The following ABCA4 variants were observed in gnomAD, a reference collection of about 807,000 sequenced individuals.
ABCA4 encodes the protein ATP binding cassette subfamily A member 4.
In ABCA4, 196 loss-of-function variants were observed where a neutral mutation model predicts 263.7. That is an observed-to-expected ratio of 0.74 (90% CI 0.66 to 0.84). The LOEUF (loss-of-function observed/expected upper bound fraction) is 0.84, where lower values mean the gene tolerates loss of function less well. Among genes scored for constraint, ABCA4 ranks in the 40% least tolerant of loss-of-function variants. The pLI, the probability that ABCA4 is intolerant of heterozygous loss-of-function variation, is 0.00. For missense variants in ABCA4, 2,792 were observed against 2,855.1 expected, an observed-to-expected ratio of 0.98 and a Z score of 0.50; for synonymous variants, 1,133 against 1,094.2, an observed-to-expected ratio of 1.04 and a Z score of -0.70.
At chr1:94,082,128 T>C (rs1313776215) in intron 7 of ABCA4, among the ~76,000 whole-genome samples, 1 of 152,222 alleles carries the variant, frequency 6.6e-6, no homozygotes, top group Non-Finnish European at 1.5e-5. Flanking sequence ...TCACCATCTA[T>C]GCTTCAATAA....
chr1:94,083,831 T>A (rs1002547278), intron 6 of ABCA4, among the ~76,000 whole-genome samples: 1 of 152,220 alleles, frequency 6.6e-6, no homozygotes, highest in African/African-American at 2.4e-5. Context: ...ACCTCGGAGC[T>A]TTGTAGACAC....
chr1:94,009,064 C>A (rs1659478421), intron 40 of ABCA4, among the ~76,000 whole-genome samples, 193 bp from the exon 41 acceptor site: 1 of 152,066 alleles, frequency 6.6e-6, no homozygotes, highest in Non-Finnish European at 1.5e-5. Flanking sequence ...GTGCTCATGT[C>A]CAGAGTCAGC....
chr1:94,058,781 C>G (rs1366473409), intron 14 of ABCA4, among the ~76,000 whole-genome samples: 3 of 152,218 alleles, frequency 2.0e-5, no homozygotes, highest in African/African-American at 7.2e-5. Flanking sequence ...ACTCTGTGAC[C>G]CTACAGTTTC....
At chr1:94,033,882 C>T (rs572826611) in intron 26 of ABCA4, among the ~76,000 whole-genome samples, 279 of 152,246 alleles carry the variant, frequency 1.8e-3, no homozygotes, top group African/African-American at 5.9e-3. Flanking sequence ...CTATGGCTGG[C>T]CCTCCCTCTG....
At chr1:94,113,724 T>G (rs1166988021) in intron 1 of ABCA4, among the ~76,000 whole-genome samples, 2 of 152,262 alleles carry the variant, frequency 1.3e-5, no homozygotes, top group Admixed American at 1.3e-4. Context: ...CCTACCAACA[T>G]GCTTCCTTCA....
intron 31 of ABCA4, among the ~76,000 whole-genome samples, chr1:94,023,725 G>A (rs1012594822): frequency 2.0e-5 from 3 of 152,108 alleles, no homozygotes; most frequent in Admixed American, 6.5e-5. Flanking sequence ...CAGAACACAC[G>A]GCAATGACCA....
At chr1:94,114,648 G>A (rs572254752) in intron 1 of ABCA4, among the ~76,000 whole-genome samples, 13 of 152,172 alleles carry the variant, frequency 8.5e-5, no homozygotes, top group Admixed American at 6.5e-4. Flanking sequence ...CACCATGCCC[G>A]GCTAATTTTT....
intron 23 of ABCA4, 63 bp downstream of exon 23, chr1:94,041,146 G>A: frequency 6.4e-7 from 1 of 1,558,618 alleles, no homozygotes; most frequent in South Asian, 1.1e-5. Flanking sequence ...GTCTGGAGTG[G>A]CAGCCCCGTG....
intron 16 of ABCA4, among the ~76,000 whole-genome samples, chr1:94,054,127 C>G (rs1262920398): frequency 5.3e-5 from 8 of 152,200 alleles, no homozygotes; most frequent in Non-Finnish European, 1.2e-4. Flanking sequence ...TTCTACCAAG[C>G]AAATACACGA....
At position 94,010,815 on chromosome 1, in the gene ABCA4, A is replaced by C; in HGVS notation, c.5699T>G (p.Phe1900Cys). 1 of 1,614,128 alleles carries C rather than the reference A, an allele frequency of 6.2e-7. No individual in the cohort carries two copies. The highest frequency in any genetic ancestry group is 8.5e-7 in the Non-Finnish European group (1 of 1,180,010). The change falls in exon 40 of 50, where the codon TTC becomes TGC. Residue 1900 changes from phenylalanine to cysteine, a missense_variant. Physicochemically the swap from Phe to Cys is radical, Grantham distance 205. Transcript: ENST00000370225. ...FLLTLLVQRH[F>C]FLSQWIAEPT... ...ATGGACGTACCATTGGGAGAGGAAG[A>C]AGTGGCGCTGGACCAGCAGGGTCAG...
At chr1:94,118,041 G>T (rs1662850240) in intron 1 of ABCA4, among the ~76,000 whole-genome samples, 1 of 152,006 alleles carries the variant, frequency 6.6e-6, no homozygotes, top group Non-Finnish European at 1.5e-5. Context: ...TCGATCCACG[G>T]GGGTCAGTGT....
At chr1:94,067,328 C>T (rs368622783) in intron 11 of ABCA4, among the ~76,000 whole-genome samples, 22 of 152,230 alleles carry the variant, frequency 1.4e-4, no homozygotes, top group East Asian at 5.8e-4. Flanking sequence ...GAAATCTATA[C>T]GGGAATAAGC....
chr1:94,070,042 C>G (rs1247515390), intron 11 of ABCA4, among the ~76,000 whole-genome samples: 2 of 152,226 alleles, frequency 1.3e-5, no homozygotes, highest in Admixed American at 1.3e-4. Flanking sequence ...ACCTGGCTGA[C>G]AACTGCAGGG....
intron 17 of ABCA4, among the ~76,000 whole-genome samples, chr1:94,049,561 T>A (rs375439579): frequency 2.0e-5 from 3 of 151,918 alleles, no homozygotes; most frequent in Non-Finnish European, 1.5e-5. Flanking sequence ...GAGGCGGAGG[T>A]TGCAGTGAGC....
chr1:93,993,000 A>C lies in ABCA4; in HGVS notation c.*237T>G. On this transcript the variant is annotated 3_prime_UTR_variant, in exon 50 of 50. Transcript: ENST00000370225. Reference sequence around the variant, plus strand: ...GGTTTCTAGTTCTGGGGTCTGGAGAAGGATTTTGTATTTGTTTGGTTTCAC... The same window carrying C: ...GGTTTCTAGTTCTGGGGTCTGGAGACGGATTTTGTATTTGTTTGGTTTCAC... The C allele has an allele frequency of 1.7e-6, 1 of 577,718 alleles. No individual in the cohort carries two copies. The highest frequency in any genetic ancestry group is 3.1e-6 in the Non-Finnish European group (1 of 325,496). The allele number at this position is 577,718 out of a possible 1,614,324, so 35.8% of individuals were successfully genotyped here.
intron 26 of ABCA4, among the ~76,000 whole-genome samples, chr1:94,034,896 G>A (rs867772585): frequency 1.3e-5 from 2 of 152,132 alleles, no homozygotes; most frequent in African/African-American, 2.4e-5. Context: ...GTTATAAGTC[G>A]GCAAGCATTA....
intron 4 of ABCA4, among the ~76,000 whole-genome samples, chr1:94,108,126 A>G (rs1025593746): frequency 1.3e-5 from 2 of 152,162 alleles, no homozygotes; most frequent in Non-Finnish European, 2.9e-5. Flanking sequence ...ACAATTATGC[A>G]TATTTATGTC....
Position 93,993,176 on chromosome 1 carries a change from C to G in ABCA4, c.*61G>C, listed in dbSNP as rs766623453. The G allele has an allele frequency of 3.7e-6, 6 of 1,611,968 alleles. No homozygotes were observed. The highest frequency in any genetic ancestry group is 5.1e-6 in the Non-Finnish European group (6 of 1,178,484). On this transcript the variant is annotated 3_prime_UTR_variant, in exon 50 of 50. Transcript: ENST00000370225. The stretch of plus-strand genomic sequence containing the variant: ...ATTTGGATGACCATATGGGCACAGG[C>G]TCCTGCGCCTCCAGCTGCCCAGAGT...
At chr1:94,065,901 C>A (rs1003925972) in intron 11 of ABCA4, among the ~76,000 whole-genome samples, 1 of 152,070 alleles carries the variant, frequency 6.6e-6, no homozygotes, top group Admixed American at 6.5e-5. Context: ...TTAAGAAATA[C>A]CAGTATGTGT....
Sources: allele counts gnomAD v4.1 joint callset (sites outside exome capture counted in the v4.1 genomes callset), GRCh38; gene constraint gnomAD v4.1.1; transcripts MANE v1.5; gene names NCBI Gene and HGNC (gene_info 2026-07-23, HGNC 2026-07-21).